The following PTPN11 variants were observed in gnomAD, a reference collection of about 807,000 sequenced individuals.
PTPN11 encodes protein tyrosine phosphatase non-receptor type 11, also known as tyrosine-protein phosphatase non-receptor type 11.
PTPN11 carries 6 observed loss-of-function variants against 78.8 expected under a neutral mutation model. The observed-to-expected ratio is 0.08, with a 90% CI of 0.04 to 0.15. The LOEUF is 0.15. PTPN11 is among the 10% of genes least tolerant of loss of function. PTPN11 has a pLI of 1.00. For missense variants in PTPN11, 386 were observed against 744.8 expected, an observed-to-expected ratio of 0.52 and a Z score of 5.61; for synonymous variants, 221 against 263.5, an observed-to-expected ratio of 0.84 and a Z score of 1.56.
At chr12:112,502,726 G>A (rs1161241225) in intron 14 of PTPN11, among the ~76,000 whole-genome samples, 1 of 152,172 alleles carries the variant, frequency 6.6e-6, no homozygotes, top group African/African-American at 2.4e-5. Flanking sequence ...CAGCCTGGGC[G>A]ATAGAGTGAG....
intron 5 of PTPN11, among the ~76,000 whole-genome samples, chr12:112,454,981 G>T (rs1253231933): frequency 6.6e-6 from 1 of 151,370 alleles, no homozygotes; most frequent in Non-Finnish European, 1.5e-5. Flanking sequence ...CACCATGCCC[G>T]GCTAGTTTTT....
rs1337934641 is a variant in PTPN11, at chr12:112,509,804, G to T, written c.*4012G>T. 1.3e-5 allele frequency: 2 copies of T among 152,594 alleles called. No individual in the cohort carries two copies. The highest frequency in any genetic ancestry group is 2.9e-5 in the Non-Finnish European group (2 of 68,030). 9.5% of individuals were successfully genotyped at this position (152,594 alleles called of 1,614,324 possible). A position where few individuals can be genotyped will look rare whatever the true frequency, so the allele number is the denominator to read the frequency against. On this transcript the variant is annotated 3_prime_UTR_variant, in exon 16 of 16. Transcript: ENST00000351677. ...ATTGTCTCCCCACCTATATTTATGG[G>T]TGTTAGCGCAACTGCTTTGCTAGTT... is the stretch of plus-strand genomic sequence containing the variant.
intron 13 of PTPN11, among the ~76,000 whole-genome samples, chr12:112,490,842 A>G (rs1040173495): frequency 1.3e-5 from 2 of 152,224 alleles, no homozygotes; most frequent in African/African-American, 4.8e-5. Flanking sequence ...GTTTGAATCA[A>G]TCTGGGAACT....
intron 1 of PTPN11, among the ~76,000 whole-genome samples, chr12:112,442,197 TAA>T (rs1023244894): frequency 1.3e-5 from 2 of 152,194 alleles, no homozygotes; most frequent in African/African-American, 4.8e-5. Flanking sequence ...CAAATTTAAA[TAA>T]GAGTTGCAAA....
At chr12:112,492,961 A>G (rs1180596071) in intron 13 of PTPN11, among the ~76,000 whole-genome samples, 1 of 152,238 alleles carries the variant, frequency 6.6e-6, no homozygotes, top group Non-Finnish European at 1.5e-5. Context: ...GTGACAAAGA[A>G]AAACTGTATA....
intron 13 of PTPN11, among the ~76,000 whole-genome samples, chr12:112,491,676 G>A (rs1305260816): frequency 6.6e-6 from 1 of 151,994 alleles, no homozygotes; most frequent in Non-Finnish European, 1.5e-5. Context: ...ATGGGTCCAG[G>A]GTCACACAGT....
intron 1 of PTPN11, among the ~76,000 whole-genome samples, chr12:112,424,595 T>A (rs1364152820): frequency 1.3e-5 from 2 of 152,138 alleles, no homozygotes; most frequent in Non-Finnish European, 2.9e-5. Context: ...GTTTATTGCC[T>A]TGTCATCAAA....
chr12:112,419,371 G>A (rs965232903), intron 1 of PTPN11, among the ~76,000 whole-genome samples: 9 of 152,196 alleles, frequency 5.9e-5, no homozygotes, highest in African/African-American at 2.2e-4. Flanking sequence ...CCCCGGGGAT[G>A]CCCGTCAGGC....
At chr12:112,451,919 A>G (rs2135864843) in intron 3 of PTPN11, among the ~76,000 whole-genome samples, 1 of 152,314 alleles carries the variant, frequency 6.6e-6, no homozygotes, top group East Asian at 1.9e-4. Context: ...TCTGTCACCC[A>G]GGCTGGAGTC....
At chr12:112,462,126 G>T (rs1191404225) in intron 6 of PTPN11, among the ~76,000 whole-genome samples, 3 of 152,202 alleles carry the variant, frequency 2.0e-5, no homozygotes, top group Non-Finnish European at 4.4e-5. Context: ...GGGAGGACAA[G>T]AAGGGAGGAT....
At chr12:112,471,289 A>T (rs1326493769) in intron 6 of PTPN11, among the ~76,000 whole-genome samples, 1 of 151,918 alleles carries the variant, frequency 6.6e-6, no homozygotes, top group East Asian at 1.9e-4. Context: ...TTCTTTTCTT[A>T]GCCTACCTTT....
At chr12:112,486,450 C>A (rs1248815545) in intron 10 of PTPN11, 25 bp from the exon 11 acceptor site, 1 of 1,595,232 alleles carries the variant, frequency 6.3e-7, no homozygotes, top group Non-Finnish European at 8.6e-7. Context: ...TAATTCTTTT[C>A]TGGTTTTTCT....
intron 13 of PTPN11, among the ~76,000 whole-genome samples, chr12:112,490,771 G>A (rs2038735927): frequency 6.6e-6 from 1 of 152,104 alleles, no homozygotes; most frequent in South Asian, 2.1e-4. Context: ...AAAATGTGTA[G>A]GCTTCAATTA....
intron 6 of PTPN11, among the ~76,000 whole-genome samples, chr12:112,458,759 C>A (rs757290155): frequency 6.6e-6 from 1 of 152,102 alleles, no homozygotes; most frequent in Admixed American, 6.6e-5. Flanking sequence ...TAGGCTGGGG[C>A]GTAGTGGCTA....
At chr12:112,498,796 A>G (rs967995372) in intron 13 of PTPN11, among the ~76,000 whole-genome samples, 12 of 152,262 alleles carry the variant, frequency 7.9e-5, no homozygotes, top group African/African-American at 2.9e-4. Flanking sequence ...CTCTTGATCT[A>G]TAACACAGCC....
At chr12:112,471,281 C>A (rs2038410676) in intron 6 of PTPN11, among the ~76,000 whole-genome samples, 1 of 151,946 alleles carries the variant, frequency 6.6e-6, no homozygotes, top group Non-Finnish European at 1.5e-5. Context: ...TATAAATTTT[C>A]TTTTCTTAGC....
chr12:112,438,710 T>A (rs2037834729), intron 1 of PTPN11, among the ~76,000 whole-genome samples: 1 of 152,204 alleles, frequency 6.6e-6, no homozygotes, highest in Non-Finnish European at 1.5e-5. Flanking sequence ...CTCAAACTCT[T>A]GACCTCAAGT....
intron 10 of PTPN11, among the ~76,000 whole-genome samples, chr12:112,485,492 C>G (rs1592852212): frequency 6.6e-6 from 1 of 152,088 alleles, no homozygotes; most frequent in Non-Finnish European, 1.5e-5. Flanking sequence ...AGCGAGCTCA[C>G]TGAGTCCTTA....
intron 13 of PTPN11, among the ~76,000 whole-genome samples, chr12:112,501,294 C>G (rs1454538682): frequency 6.6e-6 from 1 of 152,102 alleles, no homozygotes; most frequent in African/African-American, 2.4e-5. Flanking sequence ...TTGCCTTTTC[C>G]CCCCCAGGGT....
Sources: allele counts gnomAD v4.1 joint callset (sites outside exome capture counted in the v4.1 genomes callset), GRCh38; gene constraint gnomAD v4.1.1; transcripts MANE v1.5; gene names NCBI Gene and HGNC (gene_info 2026-07-23, HGNC 2026-07-21).